Variants in SLC25A26 observed in about 807,000 individuals in gnomAD.
SLC25A26 encodes the protein mitochondrial S-adenosylmethionine carrier protein.
A neutral mutation model predicts 37.8 loss-of-function variants in SLC25A26; 36 were observed. The ratio of observed to expected loss-of-function variants is 0.95; its 90% CI spans 0.73 to 1.26. The LOEUF (loss-of-function observed/expected upper bound fraction) is 1.26, where lower values mean the gene tolerates loss of function less well. SLC25A26 is among the 50% of genes most tolerant of loss of function. SLC25A26 has a pLI of 0.00. For missense variants in SLC25A26, 390 were observed against 331.1 expected (o/e 1.18, Z -1.38); for synonymous variants, 129 against 122.5 (o/e 1.05, Z -0.35).
chr3:66,147,085 TCCCCTCCCCTCCCCTCCCCTCC>T (rs2070127830), intron 1 of SLC25A26, among the ~76,000 whole-genome samples: 1 of 3,626 alleles, frequency 2.8e-4, no homozygotes, highest in East Asian at 8.9e-3. Context: ...TTCCCTCCCC[TCCCCTCCCCTCCCCTCCCCTCC>T]CCTCCCCTCC....
chr3:66,242,223 C>T (rs896619118), intron 2 of SLC25A26, among the ~76,000 whole-genome samples: 2 of 152,042 alleles, frequency 1.3e-5, no homozygotes, highest in African/African-American at 4.8e-5. Context: ...TGTAGAGTGG[C>T]AGAACTTAAC....
chr3:66,286,864 T>C (rs979183997), intron 5 of SLC25A26, among the ~76,000 whole-genome samples: 7 of 152,134 alleles, frequency 4.6e-5, no homozygotes, highest in Non-Finnish European at 8.8e-5. Context: ...GGTCTCACCA[T>C]GTTGGCCAGT....
At chr3:66,369,034 AAAAAAAAAACAAAAACAAAAAAAAAAAAC>A (rs1441043550) in intron 7 of SLC25A26, among the ~76,000 whole-genome samples, 175 of 63,394 alleles carry the variant, frequency 2.8e-3, no homozygotes, top group African/African-American at 0.018. Flanking sequence ...TCAAAAAAAA[AAAAAAAAAACAAAAACAAAAAAAAAAAAC>A]AAAAGACAGT....
upstream of SLC25A26, among the ~76,000 whole-genome samples, chr3:66,219,539 G>A (rs2071414210): frequency 2.0e-5 from 3 of 152,304 alleles, no homozygotes; most frequent in African/African-American, 7.2e-5. Flanking sequence ...GAACTAGCAT[G>A]TTTTGAGAGG....
At chr3:66,346,784 G>C (rs2076336269) in intron 6 of SLC25A26, among the ~76,000 whole-genome samples, 1 of 151,228 alleles carries the variant, frequency 6.6e-6, no homozygotes, top group South Asian at 2.1e-4. Flanking sequence ...GACTAACAGT[G>C]AGGGTAAATG....
chr3:66,325,324 G>C (rs770598293), intron 5 of SLC25A26, among the ~76,000 whole-genome samples: 6 of 152,174 alleles, frequency 3.9e-5, no homozygotes, highest in Non-Finnish European at 8.8e-5. Flanking sequence ...TTGATGGATG[G>C]ATAGGTGGTC....
chr3:66,370,540 C>T lies in SLC25A26; in HGVS notation c.645C>T (p.Ser215=), dbSNP rs1407038008. ...GTCTGTTCACACAGGCTGGCTCCAG[C>T]ACTGCTGATGGGAATGTGCTCTCTG... The part of the protein sequence containing the change: ...TRITLAKAGS[S]TADGNVLSVL... Residue 215 remains serine, a synonymous_variant, in exon 9 of 10, where the codon AGC becomes AGT. Transcript: ENST00000354883. 6 of 1,613,706 alleles carry T rather than the reference C, an allele frequency of 3.7e-6. No homozygotes were observed. The highest frequency in any genetic ancestry group is 5.1e-6 in the Non-Finnish European group (6 of 1,179,822).
intron 5 of SLC25A26, among the ~76,000 whole-genome samples, chr3:66,319,194 G>T (rs2075623682): frequency 6.6e-6 from 1 of 152,126 alleles, no homozygotes; most frequent in African/African-American, 2.4e-5. Flanking sequence ...AAGTGTATAT[G>T]ATGGCATAGC....
chr3:66,299,222 C>A (rs530030193), intron 5 of SLC25A26, among the ~76,000 whole-genome samples: 32 of 152,176 alleles, frequency 2.1e-4, no homozygotes, highest in African/African-American at 7.7e-4. Context: ...GGCAAAGTTT[C>A]CCTCTGTCAC....
At chr3:66,329,515 TC>T (rs1411341047) in intron 5 of SLC25A26, among the ~76,000 whole-genome samples, 4 of 152,154 alleles carry the variant, frequency 2.6e-5, no homozygotes, top group Non-Finnish European at 5.9e-5. Context: ...TTTCCCTATT[TC>T]CTTACCCCTA....
chr3:66,253,111 G>A (rs1175236632), intron 3 of SLC25A26, among the ~76,000 whole-genome samples: 1 of 143,170 alleles, frequency 7.0e-6, no homozygotes, highest in Non-Finnish European at 1.5e-5. Flanking sequence ...ATAATATTAA[G>A]AATGTTGAGA....
intron 5 of SLC25A26, among the ~76,000 whole-genome samples, chr3:66,311,134 A>G (rs2075365029): frequency 6.6e-6 from 1 of 151,876 alleles, no homozygotes; most frequent in Admixed American, 6.6e-5. Flanking sequence ...ACACCAATCA[A>G]TCGTAGGTTT....
At chr3:66,328,968 T>C (rs2075905905) in intron 5 of SLC25A26, among the ~76,000 whole-genome samples, 1 of 152,194 alleles carries the variant, frequency 6.6e-6, no homozygotes, top group South Asian at 2.1e-4. Flanking sequence ...CCACCTAGCT[T>C]TTTAAAAGTT....
chr3:66,282,212 C>T (rs2074369505), intron 5 of SLC25A26, among the ~76,000 whole-genome samples: 1 of 151,806 alleles, frequency 6.6e-6, no homozygotes, highest in African/African-American at 2.4e-5. Flanking sequence ...GGGGTTTCAC[C>T]TTGTTAGCCA....
rs149668565 is a variant in SLC25A26 at position 66,240,316 on chromosome 3, G to A, written c.191-2887G>A. ...TACATTTTTTTCCCCCTGAGACCAG[G>A]TCTCACTCCGTTGCCCAGACTGGAG... is the stretch of plus-strand genomic sequence containing the variant. On this transcript the variant is annotated intron_variant, in intron 2 of 9. Transcript: ENST00000354883. 3.8e-3 allele frequency among the ~76,000 whole-genome samples: 577 copies of A among 152,250 alleles called. 5 individuals carry two copies. The highest frequency in any genetic ancestry group is 0.013 in the African/African-American group (555 of 41,534).
At chr3:66,142,173 C>A (rs966301841) in intron 1 of SLC25A26, among the ~76,000 whole-genome samples, 1 of 152,224 alleles carries the variant, frequency 6.6e-6, no homozygotes, top group African/African-American at 2.4e-5. Flanking sequence ...GACTCCCAAT[C>A]TGCTTTCTGC....
chr3:66,259,596 C>T (rs1576735397), intron 3 of SLC25A26, among the ~76,000 whole-genome samples: 2 of 152,136 alleles, frequency 1.3e-5, no homozygotes, highest in South Asian at 4.1e-4. Flanking sequence ...AGGTCCGGTG[C>T]ATTTTACTCC....
At chr3:66,325,164 A>G (rs968753199) in intron 5 of SLC25A26, among the ~76,000 whole-genome samples, 6 of 152,188 alleles carry the variant, frequency 3.9e-5, no homozygotes. Context: ...AGAAGCCTTC[A>G]TGCAGCTTCA....
intron 6 of SLC25A26, among the ~76,000 whole-genome samples, chr3:66,354,111 G>A (rs1428498151): frequency 6.6e-6 from 1 of 151,724 alleles, no homozygotes; most frequent in Non-Finnish European, 1.5e-5. Flanking sequence ...TAAGTCAAAA[G>A]TAAGCATATT....
Sources: allele counts gnomAD v4.1 joint callset (sites outside exome capture counted in the v4.1 genomes callset), GRCh38; gene constraint gnomAD v4.1.1; transcripts MANE v1.5; gene names NCBI Gene and HGNC (gene_info 2026-07-23, HGNC 2026-07-21).